Variants in SPOCK1 observed in about 807,000 individuals in gnomAD.
SPOCK1 encodes the protein SPARC (osteonectin), cwcv and kazal like domains proteoglycan 1, also known as testican-1.
In SPOCK1, 23 loss-of-function variants were observed where a neutral mutation model predicts 55.3. That is an observed-to-expected ratio of 0.42 (90% confidence interval 0.30 to 0.59). The LOEUF is 0.59. Ranked by LOEUF, SPOCK1 falls within the 20% of genes least tolerant of loss-of-function variation. SPOCK1 has a pLI of 0.22. For missense variants in SPOCK1, 499 were observed against 552.5 expected, an observed-to-expected ratio of 0.90 and a Z score of 0.97; for synonymous variants, 226 against 221.0, an observed-to-expected ratio of 1.02 and a Z score of -0.20.
At chr5:137,083,033 C>CT (rs1264401155) in intron 5 of SPOCK1, among the ~76,000 whole-genome samples, 2 of 152,194 alleles carry the variant, frequency 1.3e-5, no homozygotes, top group African/African-American at 4.8e-5. Context: ...CTCAAACACT[C>CT]TAACACCAAG....
At position 137,076,617 on chromosome 5, in the gene SPOCK1, A is replaced by G. The variant is rs1438904287; in HGVS notation, c.475-8788T>C. ...ATACTGGACTGAAAGTAAAAAAAAA[A>G]AAAAAAAAAAAGAATGGTTGACGGG... On this transcript the variant is annotated intron_variant, in intron 5 of 10. Coordinates refer to ENST00000394945, the MANE Select transcript of SPOCK1 (RefSeq NM_004598.4). Among the ~76,000 whole-genome samples the G allele has an allele frequency of 1.3e-5, 2 of 151,428 alleles. 1 individual carries two copies. The highest frequency in any genetic ancestry group is 2.9e-5 in the Non-Finnish European group (2 of 67,922).
At chr5:137,244,595 T>C (rs1756358711) in intron 3 of SPOCK1, among the ~76,000 whole-genome samples, 1 of 152,206 alleles carries the variant, frequency 6.6e-6, no homozygotes, top group African/African-American at 2.4e-5. Flanking sequence ...GAATGTGAAA[T>C]CTGTGGGCCT....
At chr5:137,448,759 T>C (rs1364011779) in intron 2 of SPOCK1, among the ~76,000 whole-genome samples, 1 of 152,190 alleles carries the variant, frequency 6.6e-6, no homozygotes, top group East Asian at 1.9e-4. Flanking sequence ...AAACATCAGG[T>C]TCTCCGTTGT....
At chr5:137,224,283 C>A (rs953383344) in intron 3 of SPOCK1, among the ~76,000 whole-genome samples, 5 of 152,218 alleles carry the variant, frequency 3.3e-5, no homozygotes, top group Non-Finnish European at 1.5e-5. Context: ...CTGGATGTCT[C>A]CAATATAAAT....
chr5:136,994,242 C>T (rs1751001076), intron 6 of SPOCK1, among the ~76,000 whole-genome samples: 1 of 152,174 alleles, frequency 6.6e-6, no homozygotes, highest in East Asian at 1.9e-4. Context: ...CACTGCCTTG[C>T]TTTTAATAAT....
At chr5:137,117,012 G>A (rs1442672578) in intron 4 of SPOCK1, among the ~76,000 whole-genome samples, 1 of 152,136 alleles carries the variant, frequency 6.6e-6, no homozygotes, top group Non-Finnish European at 1.5e-5. Context: ...ACTTCTGGTT[G>A]GGTTCTCTGA....
chr5:137,321,841 G>C (rs1240486516), intron 2 of SPOCK1, among the ~76,000 whole-genome samples: 1 of 151,786 alleles, frequency 6.6e-6, no homozygotes, highest in Admixed American at 6.6e-5. Flanking sequence ...TCATGCCCTA[G>C]CCTGGGCAAC....
intron 2 of SPOCK1, among the ~76,000 whole-genome samples, chr5:137,407,158 T>C (rs1004564373): frequency 3.3e-5 from 5 of 152,240 alleles, no homozygotes; most frequent in Admixed American, 2.6e-4. Flanking sequence ...CATAATTTCA[T>C]GGTCTGGAAA....
intron 6 of SPOCK1, among the ~76,000 whole-genome samples, chr5:137,038,276 C>T (rs1166519451): frequency 1.3e-5 from 2 of 152,186 alleles, no homozygotes; most frequent in Non-Finnish European, 2.9e-5. Context: ...GACCTCTGAG[C>T]ACTCCCTCTA....
chr5:137,304,929 A>C (rs1757678153), intron 2 of SPOCK1, among the ~76,000 whole-genome samples: 2 of 152,198 alleles, frequency 1.3e-5, no homozygotes, highest in Admixed American at 1.3e-4. Context: ...AAAGTACCAT[A>C]AACTGGGGGC....
At chr5:137,021,965 G>A (rs1751584902) in intron 6 of SPOCK1, among the ~76,000 whole-genome samples, 1 of 152,140 alleles carries the variant, frequency 6.6e-6, no homozygotes, top group Admixed American at 6.5e-5. Flanking sequence ...GAAAAAAACT[G>A]TGGCAGTTTA....
rs189876863 is a variant in SPOCK1, at chr5:136,978,386, A to T, written c.*268T>A. 198 of 384,866 alleles carry T rather than the reference A, an allele frequency of 5.1e-4. 1 individual carries two copies. Among genetic ancestry groups the T allele is most frequent in the East Asian group, 4.2e-3 (105 of 24,986 alleles). The allele number at this position is 384,866 out of a possible 1,614,324, so 23.8% of individuals were successfully genotyped here. ...CATGCTTGTTGGAAAAATCTCACAG[A>T]AAGGAAGGAGGCTCTAATTAAGCCA... is the stretch of plus-strand genomic sequence containing the variant. On this transcript the variant is annotated 3_prime_UTR_variant, in exon 11 of 11. Transcript: ENST00000394945.
At chr5:137,307,424 C>G (rs1757716716) in intron 2 of SPOCK1, among the ~76,000 whole-genome samples, 1 of 152,246 alleles carries the variant, frequency 6.6e-6, no homozygotes, top group South Asian at 2.1e-4. Context: ...CTAAAGCTCT[C>G]AGCCAACATG....
intron 2 of SPOCK1, among the ~76,000 whole-genome samples, chr5:137,290,536 G>T (rs572328544): frequency 2.0e-5 from 3 of 152,208 alleles, no homozygotes; most frequent in Admixed American, 2.0e-4. Flanking sequence ...TGATCTCAGG[G>T]ATGGTTACAT....
At chr5:137,307,303 C>T (rs1331077971) in intron 2 of SPOCK1, among the ~76,000 whole-genome samples, 3 of 152,230 alleles carry the variant, frequency 2.0e-5, no homozygotes, top group Non-Finnish European at 4.4e-5. Flanking sequence ...TTTCTAACTA[C>T]CAAACATACA....
intron 5 of SPOCK1, among the ~76,000 whole-genome samples, chr5:137,106,610 T>C (rs1400690425): frequency 1.3e-5 from 2 of 152,056 alleles, no homozygotes; most frequent in Non-Finnish European, 2.9e-5. Flanking sequence ...TGGTTTTCTA[T>C]CCATCCCTGC....
intron 2 of SPOCK1, among the ~76,000 whole-genome samples, chr5:137,290,984 C>T (rs1757359756): frequency 6.6e-6 from 1 of 152,188 alleles, no homozygotes; most frequent in South Asian, 2.1e-4. Context: ...TCATTACTCT[C>T]TCTTTTATTT....
chr5:137,362,258 A>C (rs1289242972), intron 2 of SPOCK1, among the ~76,000 whole-genome samples: 1 of 152,126 alleles, frequency 6.6e-6, no homozygotes, highest in African/African-American at 2.4e-5. Flanking sequence ...GTGAAATTAT[A>C]GATAATGACA....
At chr5:137,422,840 C>T (rs1752531037) in intron 2 of SPOCK1, among the ~76,000 whole-genome samples, 1 of 152,176 alleles carries the variant, frequency 6.6e-6, no homozygotes, top group South Asian at 2.1e-4. Flanking sequence ...AGCTGCATTC[C>T]TTTGGAGGAG....
Sources: gnomAD v4.1 joint callset for allele counts (sites outside exome capture counted in the v4.1 genomes callset) on GRCh38, gnomAD v4.1.1 for gene constraint, MANE v1.5 for transcripts, NCBI Gene and HGNC (gene_info 2026-07-23, HGNC 2026-07-21) for gene names.